CRPPA: variants seen among roughly 807,000 people sequenced by gnomAD.
CRPPA encodes CDP-L-ribitol pyrophosphorylase A, also known as D-ribitol-5-phosphate cytidylyltransferase.
CRPPA carries 43 observed loss-of-function variants against 52.0 expected under a neutral mutation model. The ratio of observed to expected loss-of-function variants is 0.83; its 90% CI spans 0.65 to 1.07. The LOEUF (loss-of-function observed/expected upper bound fraction) is 1.07, where lower values mean the gene tolerates loss of function less well. CRPPA is among the 50% of genes least tolerant of loss of function. CRPPA has a pLI of 0.00. For synonymous variants in CRPPA, 250 were observed against 203.5 expected (o/e 1.23, Z -1.94); for missense variants, 629 against 551.7 (o/e 1.14, Z -1.40).
At chr7:16,335,147 A>C (rs2128431222) in intron 3 of CRPPA, among the ~76,000 whole-genome samples, 1 of 106,862 alleles carries the variant, frequency 9.4e-6, no homozygotes, top group Admixed American at 1.2e-4. Flanking sequence ...AAAGAGACCC[A>C]TCTCTACAAA....
chr7:16,206,959 T>A (rs1032518062), intron 9 of CRPPA, among the ~76,000 whole-genome samples: 1 of 152,110 alleles, frequency 6.6e-6, no homozygotes, highest in Non-Finnish European at 1.5e-5. Flanking sequence ...AGTAATGAGA[T>A]GGATGAAAAA....
chr7:16,257,643 TA>T (rs1485758842), intron 8 of CRPPA, among the ~76,000 whole-genome samples: 1 of 152,034 alleles, frequency 6.6e-6, no homozygotes, highest in African/African-American at 2.4e-5. Flanking sequence ...ATTCCCACAG[TA>T]TGGGATGGGC....
At chr7:16,376,921 T>C (rs1786904867) in intron 2 of CRPPA, among the ~76,000 whole-genome samples, 1 of 152,162 alleles carries the variant, frequency 6.6e-6, no homozygotes, top group Non-Finnish European at 1.5e-5. Context: ...GTAAGACAGT[T>C]TTGAAGGCCA....
At chr7:16,180,816 G>A (rs1264371437) in intron 9 of CRPPA, among the ~76,000 whole-genome samples, 2 of 151,980 alleles carry the variant, frequency 1.3e-5, no homozygotes, top group Admixed American at 6.6e-5. Context: ...TCTAATGAAA[G>A]TCAAAATCGA....
intron 9 of CRPPA, among the ~76,000 whole-genome samples, chr7:16,197,354 T>C (rs1167857351): frequency 6.6e-6 from 1 of 152,224 alleles, no homozygotes; most frequent in Non-Finnish European, 1.5e-5. Flanking sequence ...TCTTCTTTTT[T>C]GAGTCAGGGT....
intron 1 of CRPPA, among the ~76,000 whole-genome samples, chr7:16,410,947 C>T (rs1261859060): frequency 6.6e-6 from 1 of 152,186 alleles, no homozygotes; most frequent in Non-Finnish European, 1.5e-5. Context: ...TCTCAGCTTG[C>T]AGAGTGCTTA....
chr7:16,345,508 C>T (rs10261188), intron 3 of CRPPA, among the ~76,000 whole-genome samples: 32,084 of 151,908 alleles, frequency 0.21, 3,544 homozygotes, highest in South Asian at 0.42. Flanking sequence ...ATTTATATGA[C>T]AACTATAGAG....
At chr7:16,124,729 C>A (rs1044083315) in intron 9 of CRPPA, among the ~76,000 whole-genome samples, 3 of 151,708 alleles carry the variant, frequency 2.0e-5, no homozygotes, top group Non-Finnish European at 2.9e-5. Flanking sequence ...TTCCAACACA[C>A]AAAAAAATGA....
intron 1 of CRPPA, among the ~76,000 whole-genome samples, chr7:16,420,443 A>T (rs1413444111): frequency 1.3e-5 from 2 of 152,028 alleles, no homozygotes; most frequent in Non-Finnish European, 2.9e-5. Flanking sequence ...TCCTTATCCC[A>T]TTCCCTGTCT....
At chr7:16,138,611 G>T (rs2128374911) in intron 9 of CRPPA, among the ~76,000 whole-genome samples, 1 of 152,178 alleles carries the variant, frequency 6.6e-6, no homozygotes, top group Middle Eastern at 3.4e-3. Context: ...GGGAAAAAAT[G>T]TAATTTGATG....
intron 2 of CRPPA, among the ~76,000 whole-genome samples, chr7:16,387,072 T>TATATATACAC (rs1554352532): frequency 4.2e-5 from 3 of 72,010 alleles, no homozygotes; most frequent in African/African-American, 1.9e-4. Context: ...TATATATATA[T>TATATATACAC]ATATATATAT....
chr7:16,215,500 A>G (rs1312208263), intron 9 of CRPPA, among the ~76,000 whole-genome samples: 1 of 152,250 alleles, frequency 6.6e-6, no homozygotes, highest in Non-Finnish European at 1.5e-5. Context: ...AAAGACAGTG[A>G]CAATGAATGC....
At chr7:16,179,458 T>A (rs1291031319) in intron 9 of CRPPA, among the ~76,000 whole-genome samples, 2 of 152,058 alleles carry the variant, frequency 1.3e-5, no homozygotes, top group Non-Finnish European at 2.9e-5. Context: ...GGGCCCAACA[T>A]AATCACAGGA....
chr7:16,154,310 T>G (rs554918318), intron 9 of CRPPA, among the ~76,000 whole-genome samples: 2 of 152,088 alleles, frequency 1.3e-5, no homozygotes, highest in Non-Finnish European at 2.9e-5. Context: ...GGTGGTTTGC[T>G]GCACTTATTG....
chr7:16,304,803 G>T (rs1275805272), intron 4 of CRPPA, among the ~76,000 whole-genome samples: 1 of 152,108 alleles, frequency 6.6e-6, no homozygotes, highest in Admixed American at 6.5e-5. Flanking sequence ...GACTTTTCAG[G>T]GGAAAGGGAA....
chr7:16,396,811 TG>T (rs1787587269), intron 2 of CRPPA, among the ~76,000 whole-genome samples: 1 of 152,188 alleles, frequency 6.6e-6, no homozygotes, highest in Admixed American at 6.5e-5. Context: ...TAAAGATGTG[TG>T]GCATGTGTGA....
intron 9 of CRPPA, among the ~76,000 whole-genome samples, chr7:16,142,317 A>G (rs1414484257): frequency 6.6e-6 from 1 of 152,150 alleles, no homozygotes; most frequent in Non-Finnish European, 1.5e-5. Flanking sequence ...TAAGCCTAGT[A>G]CTCAATCATT....
In CRPPA at chr7:16,378,061, A is replaced by G. The variant is rs543488027; in HGVS notation, c.535-1820T>C. ...AAAATAGTGCACTGTGCCCACCCAC[A>G]GTTTTAAAGCAGTGATGTGGTGATT... On this transcript the variant is annotated intron_variant, in intron 2 of 9. Coordinates refer to ENST00000407010, the MANE Select transcript of CRPPA (RefSeq NM_001101426.4). 2.0e-5 allele frequency among the ~76,000 whole-genome samples: 3 copies of G among 152,220 alleles called. No individual in the cohort carries two copies. In the East Asian group the frequency reaches 5.8e-4, roughly 29 times the overall value.
chr7:16,307,473 G>C (rs1056452083), intron 4 of CRPPA, among the ~76,000 whole-genome samples: 1 of 151,942 alleles, frequency 6.6e-6, no homozygotes, highest in Admixed American at 6.6e-5. Flanking sequence ...CCTGAGGTCA[G>C]GAGTTCAAGA....
Sources: gnomAD v4.1 joint callset for allele counts (sites outside exome capture counted in the v4.1 genomes callset) on GRCh38, gnomAD v4.1.1 for gene constraint, MANE v1.5 for transcripts, NCBI Gene and HGNC (gene_info 2026-07-23, HGNC 2026-07-21) for gene names.